The following CCDC61 variants were observed in gnomAD, a reference collection of about 807,000 sequenced individuals.
CCDC61 encodes the protein centrosomal protein CCDC61.
A neutral mutation model predicts 63.0 loss-of-function variants in CCDC61; 55 were observed. That is an observed-to-expected ratio of 0.87 (90% confidence interval 0.70 to 1.09). CCDC61 has a LOEUF of 1.09. CCDC61 is among the 50% of genes least tolerant of loss of function. The pLI, the probability that CCDC61 is intolerant of heterozygous loss-of-function variation, is 0.00. For missense variants in CCDC61, 651 were observed against 731.4 expected, an observed-to-expected ratio of 0.89 and a Z score of 1.27; for synonymous variants, 270 against 317.0, an observed-to-expected ratio of 0.85 and a Z score of 1.58.
intron 5 of CCDC61, among the ~76,000 whole-genome samples, chr19:46,011,787 G>A (rs928867412): frequency 2.0e-5 from 3 of 152,134 alleles, no homozygotes; most frequent in Non-Finnish European, 2.9e-5. Context: ...TGCCCTGGCT[G>A]CCCTGTACAT....
intron 5 of CCDC61, 105 bp from the exon 6 acceptor site, chr19:46,014,944 G>A (rs921770439): frequency 3.1e-6 from 3 of 974,558 alleles, no homozygotes; most frequent in African/African-American, 3.5e-5. Context: ...GATGAGCCGT[G>A]TACCCCCTTC....
At chr19:46,009,922 AG>A (rs1968796206) in intron 5 of CCDC61, among the ~76,000 whole-genome samples, 1 of 152,036 alleles carries the variant, frequency 6.6e-6, no homozygotes, top group African/African-American at 2.4e-5. Flanking sequence ...GATGGCCACA[AG>A]GGGGCGCCCT....
intron 5 of CCDC61, among the ~76,000 whole-genome samples, chr19:46,014,046 TTTAA>T (rs1235156678): frequency 5.3e-5 from 8 of 152,250 alleles, no homozygotes; most frequent in South Asian, 2.1e-4. Flanking sequence ...TTTGTTAAAA[TTTAA>T]TTAATTAATT....
intron 5 of CCDC61, 56 bp downstream of exon 5, chr19:46,008,357 C>CCCCG: frequency 1.1e-6 from 1 of 935,696 alleles, no homozygotes; most frequent in South Asian, 1.3e-5. Flanking sequence ...CATCATGCAC[C>CCCCG]GCGGGGCCCA....
At chr19:46,008,935 T>C (rs1968771321) in intron 5 of CCDC61, among the ~76,000 whole-genome samples, 1 of 152,166 alleles carries the variant, frequency 6.6e-6, no homozygotes, top group Non-Finnish European at 1.5e-5. Context: ...TCGAGCTCTA[T>C]GTAGGCGAAT....
chr19:46,012,121 T>A (rs555518408), intron 5 of CCDC61, among the ~76,000 whole-genome samples: 19 of 152,308 alleles, frequency 1.2e-4, no homozygotes, highest in South Asian at 2.1e-4. Context: ...TTTCTTTTTT[T>A]AAAAATTTTG....
At chr19:46,006,365 G>T (rs1016189181) in intron 3 of CCDC61, among the ~76,000 whole-genome samples, 194 bp from the exon 4 acceptor site, 3 of 152,244 alleles carry the variant, frequency 2.0e-5, no homozygotes, top group African/African-American at 7.2e-5. Context: ...GAGCATTTAG[G>T]TTCTTTCTGG....
chr19:46,011,758 G>C (rs980328767), intron 5 of CCDC61, among the ~76,000 whole-genome samples: 1 of 152,160 alleles, frequency 6.6e-6, no homozygotes, highest in Non-Finnish European at 1.5e-5. Flanking sequence ...AATTGCCCGG[G>C]AGCTTTGAAA....
At chr19:45,999,875 G>A (rs565594348) in intron 1 of CCDC61, among the ~76,000 whole-genome samples, 168 of 152,212 alleles carry the variant, frequency 1.1e-3, no homozygotes, top group African/African-American at 3.8e-3. Context: ...CACAGTGCTC[G>A]CAGGGATGGG....
chr19:46,016,438 G>T lies in CCDC61; in HGVS notation c.1091+45G>T. The T allele has an allele frequency of 1.2e-6, 2 of 1,600,822 alleles. No homozygotes were observed. Among genetic ancestry groups the T allele is most frequent in the Non-Finnish European group, 8.5e-7 (1 of 1,170,946 alleles). Reference sequence around the variant, plus strand: ...TCACCTGCCCCTGTCCCTGGCCCGTGCCCGCTCCCGGGCTCTCATCTCTCC... The same window carrying T: ...TCACCTGCCCCTGTCCCTGGCCCGTTCCCGCTCCCGGGCTCTCATCTCTCC... On this transcript the variant is annotated intron_variant, in intron 9 of 13. Coordinates refer to ENST00000595358, the MANE Select transcript of CCDC61 (RefSeq NM_001267723.2). This position sits in a 1 kb window ranked among gnomAD's most constrained non-coding sequence, Gnocchi z 7.2.
In CCDC61 at chr19:46,016,722, G is replaced by C; in HGVS notation, c.1120G>C (p.Gly374Arg). The C allele has an allele frequency of 6.2e-7, 1 of 1,610,660 alleles. No homozygotes were observed. The highest frequency in any genetic ancestry group is 8.5e-7 in the Non-Finnish European group (1 of 1,178,876). ...KQQQRNRLGS[G>R]GSGDGPSVSW... ...GCAGCAGCGGAACCGCTTAGGCAGT[G>C]GGGGAAGCGGGGACGGTCCGTCCGT... The change falls in exon 10 of 14, where the codon GGG becomes CGG. Residue 374 changes from glycine to arginine, a missense_variant. Physicochemically the swap from Gly to Arg is moderately radical, Grantham distance 125. Transcript: ENST00000595358. This position sits in a 1 kb window ranked among gnomAD's most constrained non-coding sequence, Gnocchi z 7.2.
chr19:46,018,231 A>T lies in CCDC61; in HGVS notation c.1442-59A>T. 3.9e-6 allele frequency: 6 copies of T among 1,547,954 alleles called. No homozygotes were observed. The highest frequency in any genetic ancestry group is 3.5e-6 in the Non-Finnish European group (4 of 1,142,340). ...GTGCGGGCAGTGGTATATTGGGCCC[A>T]GGAACTCCCTGGGGCTTCAGGCCCC... On this transcript the variant is annotated intron_variant, in intron 13 of 13. Transcript: ENST00000595358. This position sits in a 1 kb window ranked among gnomAD's most constrained non-coding sequence, Gnocchi z 4.2.
chr19:46,001,355 T>TCCTGTCTC (rs1968588321), intron 1 of CCDC61, among the ~76,000 whole-genome samples: 2 of 152,158 alleles, frequency 1.3e-5, no homozygotes, highest in South Asian at 4.1e-4. Context: ...GCCTCCCGAG[T>TCCTGTCTC]AGCTGGGATT....
At position 46,003,113 on chromosome 19, in the gene CCDC61, A is replaced by G; in HGVS notation, c.95A>G (p.Glu32Gly). The change falls in exon 2 of 14, where the codon GAG (glutamate) becomes GGG (glycine). Residue 32 changes from glutamate (E) to glycine (G), a missense_variant. By Grantham distance (98) the Glu-to-Gly change is moderately conservative (BLOSUM62 -2). Coordinates refer to ENST00000595358, the MANE Select transcript of CCDC61 (RefSeq NM_001267723.2). ...VMVSGQVLEL[E>G]VEDRMTADQW... ...GTTTCTGGGCAGGTGCTGGAGCTGG[A>G]GGTGGAGGACCGGATGACGGCTGAC... 1 of 1,613,204 alleles carries G rather than the reference A, an allele frequency of 6.2e-7. No individual in the cohort carries two copies. Among genetic ancestry groups the G allele is most frequent in the Non-Finnish European group, 8.5e-7 (1 of 1,179,632 alleles).
chr19:46,004,716 T>C (rs1968666180), intron 3 of CCDC61, among the ~76,000 whole-genome samples: 2 of 152,102 alleles, frequency 1.3e-5, no homozygotes, highest in Admixed American at 6.6e-5. Flanking sequence ...CCTCCTGCCT[T>C]GGCTTCCCAA....
intron 12 of CCDC61, 118 bp from the exon 13 acceptor site, chr19:46,017,960 T>G: frequency 1.3e-6 from 1 of 796,064 alleles, no homozygotes; most frequent in Non-Finnish European, 2.0e-6. Flanking sequence ...GAATGGCCAG[T>G]AGGTGTCAGG....
chr19:46,005,104 G>A (rs1464206717), intron 3 of CCDC61, among the ~76,000 whole-genome samples: 2 of 151,940 alleles, frequency 1.3e-5, no homozygotes, highest in South Asian at 2.1e-4. Context: ...TCCGCCTCCC[G>A]ATTTCAAGCA....
chr19:46,000,006 C>T, intron 1 of CCDC61: 1 of 984,854 alleles, frequency 1.0e-6, no homozygotes, highest in Non-Finnish European at 1.2e-6. Context: ...GGAATGAAAT[C>T]AGCCACCAGG....
intron 12 of CCDC61, among the ~76,000 whole-genome samples, chr19:46,017,645 A>G (rs1051783968): frequency 3.9e-5 from 6 of 152,084 alleles, no homozygotes; most frequent in Non-Finnish European, 5.9e-5. Context: ...AGCCATCCTC[A>G]GCCTCCTACA....
Sources: gnomAD v4.1 joint callset for allele counts (sites outside exome capture counted in the v4.1 genomes callset) on GRCh38, gnomAD v4.1.1 for gene constraint, Gnocchi (gnomAD v3.1) non-coding constraint, MANE v1.5 for transcripts, NCBI Gene and HGNC (gene_info 2026-07-23, HGNC 2026-07-21) for gene names.